The following MS4A18 variants were observed in gnomAD, a reference collection of about 807,000 sequenced individuals.
MS4A18 encodes membrane spanning 4-domains A18.
MS4A18 carries 27 observed loss-of-function variants against 13.1 expected under a neutral mutation model. The ratio of observed to expected loss-of-function variants is 2.06; its 90% CI spans 1.52 to 2.84. The LOEUF (loss-of-function observed/expected upper bound fraction) is 2.84. Ranked by LOEUF, MS4A18 falls within the 30% of genes most tolerant of loss-of-function variation. The pLI, the probability that MS4A18 is intolerant of heterozygous loss-of-function variation, is 0.00. For missense variants in MS4A18, 307 were observed against 196.4 expected (o/e 1.56, Z -3.37); for synonymous variants, 126 against 76.5 (o/e 1.65, Z -3.38).
chr11:60,740,835 T>G (rs1186032818), intron 4 of MS4A18, among the ~76,000 whole-genome samples, 195 bp from the exon 6 acceptor site: 1 of 151,994 alleles, frequency 6.6e-6, no homozygotes, highest in Non-Finnish European at 1.5e-5. Context: ...GTGCTGGCAG[T>G]TGGAAGTCAG....
intron 1 of MS4A18, among the ~76,000 whole-genome samples, chr11:60,732,743 A>AG (rs1209403181): frequency 6.6e-6 from 1 of 151,304 alleles, no homozygotes; most frequent in East Asian, 1.9e-4. Flanking sequence ...AAAAAAAAAA[A>AG]AAAAAAAAAG....
At position 60,743,947 on chromosome 11, in the gene MS4A18, G is replaced by T. The variant is rs2134683880; in HGVS notation, c.1156G>T (p.Ala386Ser). 9 of 703,066 alleles carry T rather than the reference G, an allele frequency of 1.3e-5. 1 individual carries two copies. Among genetic ancestry groups the T allele is most frequent in the African/African-American group, 5.2e-5 (3 of 57,362 alleles). 43.6% of individuals were successfully genotyped at this position (703,066 alleles called of 1,614,324 possible). A position where few individuals can be genotyped will look rare whatever the true frequency, so the allele number is the denominator to read the frequency against. The change falls in exon 6 of 6, where the codon GCT (alanine) becomes TCT (serine). Residue 386 changes from alanine to serine, a missense_variant. Transcript: ENST00000529108. The stretch of plus-strand genomic sequence containing the variant: ...CAAAGCTACCACCAGTTGTGTCAAT[G>T]CTATCCACACCAGCAATGTACCCCC...
upstream of MS4A18, among the ~76,000 whole-genome samples, chr11:60,727,245 A>T (rs1853174833): frequency 6.6e-6 from 1 of 152,214 alleles, no homozygotes; most frequent in African/African-American, 2.4e-5. Flanking sequence ...AACAAAGAAC[A>T]AATGTTAACT....
At chr11:60,732,232 GA>G (rs1351290292) in intron 1 of MS4A18, among the ~76,000 whole-genome samples, 5 of 152,076 alleles carry the variant, frequency 3.3e-5, no homozygotes, top group African/African-American at 9.7e-5. Context: ...TCAGGAGGAG[GA>G]GAGTAAAGCA....
chr11:60,740,033 T>A (rs1024573011), intron 4 of MS4A18, among the ~76,000 whole-genome samples: 1 of 152,156 alleles, frequency 6.6e-6, no homozygotes, highest in Admixed American at 6.5e-5. Context: ...ACTTGGTATC[T>A]AGGGGATGTG....
upstream of MS4A18, among the ~76,000 whole-genome samples, chr11:60,728,410 G>A (rs1205854023): frequency 1.4e-5 from 2 of 144,648 alleles, no homozygotes; most frequent in Middle Eastern, 3.2e-3. Flanking sequence ...ATGTATGTGT[G>A]TGTGTGTGTG....
At chr11:60,739,512 A>G (rs1853386055) in intron 4 of MS4A18, among the ~76,000 whole-genome samples, 4 of 152,164 alleles carry the variant, frequency 2.6e-5, no homozygotes, top group Admixed American at 2.6e-4. Context: ...AAGGAGAGGA[A>G]GCTGCACTAT....
rs1853381274 is a variant in MS4A18, at chr11:60,739,016, G to A, written c.744+19G>A. 1 of 702,598 alleles carries A rather than the reference G, an allele frequency of 1.4e-6. No homozygotes were observed. The allele number at this position is 702,598 out of a possible 1,614,324, so 43.5% of individuals were successfully genotyped here. A position where few individuals can be genotyped will look rare whatever the true frequency, so the allele number is the denominator to read the frequency against. On this transcript the variant is annotated intron_variant, in intron 4 of 5. Transcript: ENST00000529108. ...TGTGACGGTGAGCATCTGACTGCCAGGGCCCCGTGCTGCCAAAGGACCAGG... is the reference window on the plus strand; with the variant it reads ...TGTGACGGTGAGCATCTGACTGCCAAGGCCCCGTGCTGCCAAAGGACCAGG...
intron 2 of MS4A18, 130 bp from the exon 4 acceptor site, chr11:60,736,846 CAG>C: frequency 1.6e-6 from 1 of 620,370 alleles, no homozygotes; most frequent in East Asian, 2.7e-5. Context: ...AGGAAATAAA[CAG>C]ATTTGCACAT....
At chr11:60,734,090 T>C (rs1853299808) in intron 2 of MS4A18, among the ~76,000 whole-genome samples, 2 of 151,956 alleles carry the variant, frequency 1.3e-5, no homozygotes, top group African/African-American at 4.8e-5. Context: ...CCGCCATCTC[T>C]ACAAAAATAC....
chr11:60,732,031 C>T (rs1482160163), intron 1 of MS4A18, among the ~76,000 whole-genome samples: 1 of 152,046 alleles, frequency 6.6e-6, no homozygotes, highest in Non-Finnish European at 1.5e-5. Flanking sequence ...CCAGGTCTGT[C>T]ACCAACTCAT....
At chr11:60,726,549 G>A (rs1216755362), upstream of MS4A18, among the ~76,000 whole-genome samples, 1 of 151,944 alleles carries the variant, frequency 6.6e-6, no homozygotes, top group South Asian at 2.1e-4. Flanking sequence ...CTCTGGGGAG[G>A]GGACCAAGAA....
intron 3 of MS4A18, among the ~76,000 whole-genome samples, chr11:60,738,039 G>C (rs1853366873): frequency 6.6e-6 from 1 of 152,200 alleles, no homozygotes; most frequent in Admixed American, 6.5e-5. Flanking sequence ...ACTCGTGGGG[G>C]TCTCCTAGTC....
At chr11:60,742,931 A>G (rs1853430151) in intron 5 of MS4A18, among the ~76,000 whole-genome samples, 1 of 152,180 alleles carries the variant, frequency 6.6e-6, no homozygotes, top group Admixed American at 6.5e-5. Flanking sequence ...CTGAAGTACA[A>G]CAGCACTCCA....
chr11:60,729,507 G>C, exon 1 of MS4A18: 1 of 702,744 alleles, frequency 1.4e-6, no homozygotes, highest in Non-Finnish European at 2.6e-6. Flanking sequence ...ATCTACTCGT[G>C]GTGAACCAGA....
chr11:60,733,225 G>A (rs924880963), intron 1 of MS4A18, among the ~76,000 whole-genome samples: 8 of 152,254 alleles, frequency 5.3e-5, no homozygotes, highest in Non-Finnish European at 1.0e-4. Flanking sequence ...GGCTCGGCCC[G>A]TGTCTCTGCA....
At chr11:60,742,447 G>T (rs1236228204) in intron 5 of MS4A18, among the ~76,000 whole-genome samples, 1 of 152,132 alleles carries the variant, frequency 6.6e-6, no homozygotes, top group Non-Finnish European at 1.5e-5. Flanking sequence ...TTCACCATCT[G>T]ATAAAAGCCA....
intron 4 of MS4A18, among the ~76,000 whole-genome samples, chr11:60,739,564 G>A (rs192225506): frequency 5.9e-5 from 9 of 152,238 alleles, no homozygotes; most frequent in Middle Eastern, 3.4e-3. Context: ...TGGACCTGCC[G>A]GGGCCCTGGT....
downstream of MS4A18, among the ~76,000 whole-genome samples, chr11:60,744,413 G>A (rs1401005863): frequency 6.6e-6 from 1 of 152,172 alleles, no homozygotes; most frequent in Non-Finnish European, 1.5e-5. Context: ...TGTGGAGTGT[G>A]TTCAGTATTC....
Sources: allele counts gnomAD v4.1 joint callset (sites outside exome capture counted in the v4.1 genomes callset), GRCh38; gene constraint gnomAD v4.1.1; transcripts MANE v1.5; gene names NCBI Gene and HGNC (gene_info 2026-07-23, HGNC 2026-07-21).